DRICH1: variants seen among roughly 807,000 people sequenced by gnomAD.
The protein encoded by DRICH1 is aspartate rich 1.
In DRICH1, 38 loss-of-function variants were observed where a neutral mutation model predicts 39.5. That is an observed-to-expected ratio of 0.96 (90% CI 0.74 to 1.26). The LOEUF (loss-of-function observed/expected upper bound fraction) is 1.26, where lower values mean the gene tolerates loss of function less well. Among genes scored for constraint, DRICH1 ranks in the 50% most tolerant of loss-of-function variants. DRICH1 has a pLI of 0.00. For synonymous variants in DRICH1, 84 were observed against 99.5 expected, an observed-to-expected ratio of 0.84 and a Z score of 0.93; for missense variants, 279 against 270.4, an observed-to-expected ratio of 1.03 and a Z score of -0.22.
At position 23,616,890 on chromosome 22, in the gene DRICH1, A is replaced by G. The variant is rs1927384016; in HGVS notation, c.520-16T>C. 6.2e-7 allele frequency: 1 copy of G among 1,613,886 alleles called. No homozygotes were observed. On this transcript the variant is annotated splice_polypyrimidine_tract_variant and intron_variant, in intron 7 of 11. Transcript: ENST00000317749. ...ACGGTAAAATCTGCAATGAGATAAA[A>G]GAAGATGCTGTAAGGATCAGATCAA...
At chr22:23,610,983 T>A (rs985231725) in intron 11 of DRICH1, among the ~76,000 whole-genome samples, 1 of 151,772 alleles carries the variant, frequency 6.6e-6, no homozygotes, top group African/African-American at 2.4e-5. Context: ...TATGGACGCA[T>A]AACCCTTCAA....
chr22:23,585,083 CTCTT>C, the DRICH1 span, among the ~76,000 whole-genome samples: 216 of 152,232 alleles, frequency 1.4e-3, no homozygotes, highest in African/African-American at 4.7e-3. Context: ...TTTCTTTTCT[CTCTT>C]TCTTTTTTTT....
the DRICH1 span, among the ~76,000 whole-genome samples, chr22:23,598,520 G>A: frequency 2.0e-5 from 3 of 152,206 alleles, no homozygotes; most frequent in Non-Finnish European, 4.4e-5. Flanking sequence ...GCTTGGGCGG[G>A]ACCCCTTTTC....
chr22:23,591,679 G>A, the DRICH1 span, among the ~76,000 whole-genome samples: 1 of 152,200 alleles, frequency 6.6e-6, no homozygotes. Context: ...CAGGAGCTAG[G>A]TTGTGGAGCA....
At chr22:23,612,398 C>T (rs964546952) in intron 11 of DRICH1, among the ~76,000 whole-genome samples, 5 of 136,538 alleles carry the variant, frequency 3.7e-5, no homozygotes, top group South Asian at 2.5e-4. Context: ...ACCCGGGAGG[C>T]GGAGCTTGCA....
chr22:23,623,410 CAAA>C (rs527987397), intron 3 of DRICH1, among the ~76,000 whole-genome samples: 10 of 151,370 alleles, frequency 6.6e-5, no homozygotes, highest in African/African-American at 2.4e-4. Context: ...TCTCAAAAAA[CAAA>C]AAAGAAAAGA....
the DRICH1 span, among the ~76,000 whole-genome samples, chr22:23,601,061 C>G: frequency 6.6e-6 from 1 of 151,906 alleles, no homozygotes; most frequent in Non-Finnish European, 1.5e-5. Context: ...TATGTTTAAA[C>G]AAAAATTTGT....
the DRICH1 span, among the ~76,000 whole-genome samples, chr22:23,598,927 T>C: frequency 2.6e-5 from 4 of 152,200 alleles, no homozygotes. Context: ...GGCTCTGGCC[T>C]GAAAGTCAGG....
the DRICH1 span, among the ~76,000 whole-genome samples, chr22:23,594,127 T>A: frequency 1.3e-5 from 2 of 152,160 alleles, no homozygotes; most frequent in South Asian, 4.1e-4. Context: ...GTCCAAAAAC[T>A]ATCCCAAATT....
At chr22:23,620,281 G>A (rs944693571) in intron 5 of DRICH1, among the ~76,000 whole-genome samples, 10 of 152,072 alleles carry the variant, frequency 6.6e-5, no homozygotes, top group Non-Finnish European at 1.5e-4. Context: ...TGCCCACCTG[G>A]AAAGGTAACC....
intron 6 of DRICH1, among the ~76,000 whole-genome samples, chr22:23,618,880 T>G (rs751265104): frequency 6.6e-6 from 1 of 152,124 alleles, no homozygotes; most frequent in Non-Finnish European, 1.5e-5. Flanking sequence ...TGGTATAAGA[T>G]ATCACAAATT....
At chr22:23,616,972 T>G (rs1357381304) in intron 7 of DRICH1, 98 bp from the exon 8 acceptor site, 3 of 1,414,218 alleles carry the variant, frequency 2.1e-6, no homozygotes, top group African/African-American at 1.4e-5. Flanking sequence ...ACAAAACTAT[T>G]TGTAAGACAG....
chr22:23,620,770 C>G (rs1252111017), intron 4 of DRICH1, among the ~76,000 whole-genome samples, 155 bp from the exon 5 acceptor site: 1 of 147,320 alleles, frequency 6.8e-6, no homozygotes, highest in Non-Finnish European at 1.5e-5. Context: ...TAGAGAACAC[C>G]TGTGGAAAAG....
the DRICH1 span, among the ~76,000 whole-genome samples, chr22:23,592,986 C>A: frequency 1.3e-5 from 2 of 150,956 alleles, no homozygotes; most frequent in East Asian, 3.9e-4. Flanking sequence ...GAGCCATGAT[C>A]GTGTCACTGC....
chr22:23,583,529 G>C, the DRICH1 span: 1 of 152,232 alleles, frequency 6.6e-6, no homozygotes, highest in Non-Finnish European at 1.5e-5. Context: ...TTATCTCATA[G>C]AGATCACGAG....
downstream of DRICH1, among the ~76,000 whole-genome samples, chr22:23,607,539 G>C (rs997166664): frequency 2.1e-4 from 2 of 9,376 alleles, no homozygotes; most frequent in Non-Finnish European, 4.5e-4. Context: ...TGGCGGGGGC[G>C]GGGGGGGGCC....
chr22:23,607,674 C>T (rs1451750008), downstream of DRICH1, among the ~76,000 whole-genome samples: 1 of 152,112 alleles, frequency 6.6e-6, no homozygotes, highest in Non-Finnish European at 1.5e-5. Flanking sequence ...GTTCCCAGGC[C>T]CCATCCCCGC....
At chr22:23,626,071 T>G in intron 1 of DRICH1, 23 bp from the exon 2 acceptor site, 1 of 1,579,824 alleles carries the variant, frequency 6.3e-7, no homozygotes, top group Non-Finnish European at 8.7e-7. Context: ...AGAGTTAATG[T>G]CAGTGCCCTG....
the DRICH1 span, among the ~76,000 whole-genome samples, chr22:23,593,596 C>T: frequency 3.9e-5 from 6 of 152,288 alleles, no homozygotes; most frequent in South Asian, 4.1e-4. Flanking sequence ...GTCAAGAGAT[C>T]GAGACCATTC....
Sources: allele counts gnomAD v4.1 joint callset (sites outside exome capture counted in the v4.1 genomes callset), GRCh38; gene constraint gnomAD v4.1.1; transcripts MANE v1.5; gene names NCBI Gene and HGNC (gene_info 2026-07-23, HGNC 2026-07-21).